The following NUDT9 variants were observed in gnomAD, a reference collection of about 807,000 sequenced individuals.
NUDT9 encodes the protein nudix hydrolase 9, also known as ADP-ribose pyrophosphatase.
A neutral mutation model predicts 41.0 loss-of-function variants in NUDT9; 31 were observed. The observed-to-expected ratio is 0.76, with a 90% CI of 0.57 to 1.02. The LOEUF (loss-of-function observed/expected upper bound fraction) is 1.02. Among genes scored for constraint, NUDT9 ranks in the 50% least tolerant of loss-of-function variants. The probability of loss-of-function intolerance (pLI) is 0.00; values close to 1 mark genes in which losing one functional copy is unlikely to be tolerated. For missense variants in NUDT9, 380 were observed against 431.4 expected (o/e 0.88, Z 1.06); for synonymous variants, 146 against 147.6 (o/e 0.99, Z 0.08).
intron 1 of NUDT9, among the ~76,000 whole-genome samples, chr4:87,432,388 A>T (rs1020105453): frequency 6.6e-6 from 1 of 152,212 alleles, no homozygotes; most frequent in Non-Finnish European, 1.5e-5. Context: ...GCATCATATC[A>T]GCACTCAAAA....
chr4:87,447,070 C>T (rs576794488), intron 4 of NUDT9, among the ~76,000 whole-genome samples: 2 of 152,308 alleles, frequency 1.3e-5, no homozygotes, highest in African/African-American at 4.8e-5. Flanking sequence ...TGAATCTTGT[C>T]GTATAAGCCT....
At chr4:87,439,102 G>C (rs1011313383) in intron 3 of NUDT9, among the ~76,000 whole-genome samples, 5 of 151,822 alleles carry the variant, frequency 3.3e-5, no homozygotes, top group African/African-American at 4.8e-5. Flanking sequence ...GGAGGCGGAG[G>C]TTGCGGTGGG....
intron 4 of NUDT9, among the ~76,000 whole-genome samples, chr4:87,442,189 T>C (rs1722232858): frequency 6.6e-6 from 1 of 152,250 alleles, no homozygotes; most frequent in Non-Finnish European, 1.5e-5. Flanking sequence ...AGTATACACC[T>C]ATGCCATATG....
At chr4:87,423,961 A>G (rs998135679) in intron 1 of NUDT9, among the ~76,000 whole-genome samples, 5 of 152,074 alleles carry the variant, frequency 3.3e-5, no homozygotes, top group Non-Finnish European at 7.4e-5. Flanking sequence ...ATAGCTGTTT[A>G]TTTCCTCCGT....
chr4:87,450,378 C>CTTTT (rs59228872), intron 5 of NUDT9, among the ~76,000 whole-genome samples: 27 of 102,310 alleles, frequency 2.6e-4, no homozygotes, highest in Non-Finnish European at 3.7e-4. Flanking sequence ...TTTTCTTTTT[C>CTTTT]TTTTTTTTTT....
intron 7 of NUDT9, among the ~76,000 whole-genome samples, chr4:87,457,534 C>T (rs1723040900): frequency 6.6e-6 from 1 of 152,074 alleles, no homozygotes; most frequent in South Asian, 2.1e-4. Context: ...CCCTCTTGGA[C>T]TGATTTTGAT....
intron 1 of NUDT9, among the ~76,000 whole-genome samples, chr4:87,426,872 G>A (rs1721447775): frequency 7.4e-6 from 1 of 135,074 alleles, no homozygotes; most frequent in Non-Finnish European, 1.5e-5. Context: ...ACCCCATCTT[G>A]ACAAAAAATA....
At chr4:87,429,662 T>TTCCTTTTC (rs1721592001) in intron 1 of NUDT9, among the ~76,000 whole-genome samples, 1 of 151,630 alleles carries the variant, frequency 6.6e-6, no homozygotes, top group Non-Finnish European at 1.5e-5. Context: ...GCAACTCCCT[T>TTCCTTTTC]TCCTTTTCTC....
At chr4:87,439,107 G>A (rs369924307) in intron 3 of NUDT9, among the ~76,000 whole-genome samples, 7 of 151,678 alleles carry the variant, frequency 4.6e-5, no homozygotes, top group Middle Eastern at 3.4e-3. Context: ...CGGAGGTTGC[G>A]GTGGGCTGAG....
At chr4:87,446,815 A>C (rs1459415109) in intron 4 of NUDT9, among the ~76,000 whole-genome samples, 1 of 152,218 alleles carries the variant, frequency 6.6e-6, no homozygotes, top group Non-Finnish European at 1.5e-5. Flanking sequence ...TATATATATA[A>C]TAAATGCTAT....
chr4:87,449,248 C>T lies in NUDT9; in HGVS notation c.637C>T (p.Pro213Ser). ...GAAAGACTGTGGAGAATGGGCAATC[C>T]CAGGGGTAAGCATTAAAATTAAATT... ...KRKDCGEWAI[P>S]GGMVDPGEKI... Residue 213 changes from proline to serine, a missense_variant, in exon 5 of 8, where the codon CCA (proline) becomes TCA (serine). Coordinates refer to ENST00000302174, the MANE Select transcript of NUDT9 (RefSeq NM_024047.5). 6.6e-7 allele frequency: 1 copy of T among 1,524,676 alleles called. No individual in the cohort carries two copies. Among genetic ancestry groups the T allele is most frequent in the South Asian group, 1.1e-5 (1 of 89,084 alleles). 94.4% of individuals were successfully genotyped at this position (1,524,676 alleles called of 1,614,324 possible). A position where few individuals can be genotyped will look rare whatever the true frequency, so the allele number is the denominator to read the frequency against.
At chr4:87,441,433 C>T (rs1722196420) in intron 3 of NUDT9, among the ~76,000 whole-genome samples, 1 of 151,928 alleles carries the variant, frequency 6.6e-6, no homozygotes, top group African/African-American at 2.4e-5. Flanking sequence ...GTAACAGGGA[C>T]AATTTTAATA....
chr4:87,453,573 G>C (rs1553965743), intron 6 of NUDT9, among the ~76,000 whole-genome samples: 2 of 151,848 alleles, frequency 1.3e-5, no homozygotes, highest in Non-Finnish European at 2.9e-5. Flanking sequence ...GGGACTACAG[G>C]TGTTCTCCAC....
intron 6 of NUDT9, among the ~76,000 whole-genome samples, chr4:87,453,680 C>T (rs550631944): frequency 2.0e-5 from 3 of 151,726 alleles, no homozygotes; most frequent in East Asian, 1.9e-4. Context: ...CGCCCACCTC[C>T]GCCTCCCAAA....
intron 4 of NUDT9, among the ~76,000 whole-genome samples, chr4:87,447,496 G>GTT (rs1722511741): frequency 8.4e-6 from 1 of 119,328 alleles, no homozygotes; most frequent in African/African-American, 2.9e-5. Flanking sequence ...TTTTTGTTTT[G>GTT]TTTTGTTTTG....
In NUDT9 at chr4:87,433,744, A is replaced by C. The variant is rs553413494; in HGVS notation, c.108-1237A>C. ...TTTTTAGGCAAGATGAGATATGAAA[A>C]ATTTTTGTATATGCTGTGTGGTTAG... On this transcript the variant is annotated intron_variant, in intron 1 of 7. Transcript: ENST00000302174. Among the ~76,000 whole-genome samples, 128 of 152,252 alleles carry C rather than the reference A, an allele frequency of 8.4e-4. 5 individuals are homozygous for C. The South Asian group carries it at 0.025, about 30-fold the overall frequency.
At chr4:87,451,778 G>T in intron 6 of NUDT9, 43 bp downstream of exon 6, 1 of 1,547,828 alleles carries the variant, frequency 6.5e-7, no homozygotes, top group Non-Finnish European at 8.8e-7. Context: ...TCTGTGGATT[G>T]ATGAAAATGA....
At position 87,432,326 on chromosome 4, in the gene NUDT9, G is replaced by A. The variant is rs565638522; in HGVS notation, c.108-2655G>A. 3.3e-5 allele frequency among the ~76,000 whole-genome samples: 5 copies of A among 152,332 alleles called. No homozygotes were observed. In the East Asian group the frequency reaches 9.6e-4, roughly 29 times the overall value. On this transcript the variant is annotated intron_variant, in intron 1 of 7. Coordinates refer to ENST00000302174, the MANE Select transcript of NUDT9 (RefSeq NM_024047.5). Reference sequence around the variant, plus strand: ...GTATTTTAAACTTGTGCCTGAAACAGTTTTGGTTGTGACCCATCACATGAA... The same window carrying A: ...GTATTTTAAACTTGTGCCTGAAACAATTTTGGTTGTGACCCATCACATGAA...
At chr4:87,429,248 C>T (rs1161148142) in intron 1 of NUDT9, among the ~76,000 whole-genome samples, 1 of 151,996 alleles carries the variant, frequency 6.6e-6, no homozygotes, top group Non-Finnish European at 1.5e-5. Flanking sequence ...ACCTCCTGGA[C>T]TCAGGAGATC....
Sources: gnomAD v4.1 joint callset for allele counts (sites outside exome capture counted in the v4.1 genomes callset) on GRCh38, gnomAD v4.1.1 for gene constraint, MANE v1.5 for transcripts, NCBI Gene and HGNC (gene_info 2026-07-23, HGNC 2026-07-21) for gene names.